NEGR1: variants seen among roughly 807,000 people sequenced by gnomAD.
NEGR1 encodes IgLON family member 4.
Under a neutral mutation model 40.9 loss-of-function variants are expected in NEGR1, and 10 were observed. The ratio of observed to expected loss-of-function variants is 0.24; its 90% confidence interval spans 0.15 to 0.42. NEGR1 has a LOEUF of 0.42. NEGR1 is among the 10% of genes least tolerant of loss of function. The pLI, the probability that NEGR1 is intolerant of heterozygous loss-of-function variation, is 1.00. For missense variants in NEGR1, 352 were observed against 438.9 expected, an observed-to-expected ratio of 0.80 and a Z score of 1.77; for synonymous variants, 185 against 166.8, an observed-to-expected ratio of 1.11 and a Z score of -0.84.
At chr1:72,150,498 A>C in intron 1 of NEGR1, among the ~76,000 whole-genome samples, 1 of 152,210 alleles carries the variant, frequency 6.6e-6, no homozygotes, top group Non-Finnish European at 1.5e-5. Flanking sequence ...AAACTAAATG[A>C]GTTTACCTGG....
intron 1 of NEGR1, among the ~76,000 whole-genome samples, chr1:72,091,898 CGTGTGTGT>C (rs150316693): frequency 6.6e-6 from 1 of 151,054 alleles, no homozygotes; most frequent in Admixed American, 6.6e-5. Flanking sequence ...CCTCACATAA[CGTGTGTGT>C]GTGTGTGTGT....
At chr1:71,664,438 G>A (rs1466463623) in intron 4 of NEGR1, among the ~76,000 whole-genome samples, 1 of 151,732 alleles carries the variant, frequency 6.6e-6, no homozygotes, top group African/African-American at 2.4e-5. Context: ...ACTTTTTCTT[G>A]TAAGATATTT....
chr1:72,030,899 A>G (rs1035419252), intron 1 of NEGR1, among the ~76,000 whole-genome samples: 1 of 152,200 alleles, frequency 6.6e-6, no homozygotes, highest in African/African-American at 2.4e-5. Context: ...AAAAAAAACA[A>G]CTGAAGGAAA....
chr1:71,796,790 A>G (rs1277166773), intron 2 of NEGR1, among the ~76,000 whole-genome samples: 1 of 152,194 alleles, frequency 6.6e-6, no homozygotes, highest in Admixed American at 6.6e-5. Flanking sequence ...ATCACAAAAG[A>G]AGTAAGTAAA....
At chr1:72,074,889 T>C (rs1647653907) in intron 1 of NEGR1, among the ~76,000 whole-genome samples, 2 of 152,138 alleles carry the variant, frequency 1.3e-5, no homozygotes, top group South Asian at 4.1e-4. Context: ...ACAAGTCTTT[T>C]TCCTCTCTTA....
chr1:72,088,287 G>C (rs1648304620), intron 1 of NEGR1, among the ~76,000 whole-genome samples: 1 of 152,094 alleles, frequency 6.6e-6, no homozygotes, highest in African/African-American at 2.4e-5. Context: ...CAAAGTGTCA[G>C]ACCTACTGAA....
intron 1 of NEGR1, among the ~76,000 whole-genome samples, chr1:72,037,549 C>T (rs1034782892): frequency 6.6e-6 from 1 of 152,110 alleles, no homozygotes; most frequent in African/African-American, 2.4e-5. Context: ...GGGAAGCACT[C>T]TGCCTTTCCA....
chr1:72,282,143 A>C (rs1417706474), intron 1 of NEGR1, among the ~76,000 whole-genome samples, 176 bp downstream of exon 1: 1 of 152,138 alleles, frequency 6.6e-6, no homozygotes, highest in Non-Finnish European at 1.5e-5. Flanking sequence ...TACCTGCCCC[A>C]GCATAAACGG....
intron 6 of NEGR1, among the ~76,000 whole-genome samples, chr1:71,489,166 T>G (rs1402435781): frequency 6.6e-6 from 1 of 151,782 alleles, no homozygotes; most frequent in Non-Finnish European, 1.5e-5. Flanking sequence ...AATATTCCCT[T>G]TCTCTGTCTC....
chr1:71,743,959 G>A (rs1376895370), intron 3 of NEGR1, among the ~76,000 whole-genome samples: 1 of 152,096 alleles, frequency 6.6e-6, no homozygotes, highest in Non-Finnish European at 1.5e-5. Flanking sequence ...TTGGAAATAT[G>A]ATCTGTCTTG....
At chr1:71,756,396 AAAAAC>A (rs1414442878) in intron 3 of NEGR1, among the ~76,000 whole-genome samples, 2 of 119,864 alleles carry the variant, frequency 1.7e-5, no homozygotes, top group Non-Finnish European at 3.4e-5. Context: ...CAAAAAAACA[AAAAAC>A]AAAAACAAAC....
intron 1 of NEGR1, among the ~76,000 whole-genome samples, chr1:72,004,041 T>C (rs1477066226): frequency 3.3e-5 from 5 of 152,070 alleles, no homozygotes; most frequent in Admixed American, 2.6e-4. Context: ...GTATGCCTCA[T>C]TAGTTGAGGA....
At chr1:71,970,691 GA>G (rs111854571) in intron 1 of NEGR1, among the ~76,000 whole-genome samples, 6 of 149,044 alleles carry the variant, frequency 4.0e-5, no homozygotes, top group Middle Eastern at 3.4e-3. Context: ...CTGTCTCAAA[GA>G]AAAAAAAAAT....
chr1:72,164,933 C>T (rs903002700), intron 1 of NEGR1, among the ~76,000 whole-genome samples: 3 of 152,036 alleles, frequency 2.0e-5, no homozygotes, highest in African/African-American at 7.2e-5. Context: ...TGTTTGCTTT[C>T]AAGTCTTACA....
In NEGR1 at chr1:71,819,233, T is replaced by C. The variant is rs150225834; in HGVS notation, c.410-42936A>G. On this transcript the variant is annotated intron_variant, in intron 2 of 6. Coordinates refer to ENST00000357731, the MANE Select transcript of NEGR1 (RefSeq NM_173808.3). ...TAGAACTAGTCAGCTTTTCTATTCT[T>C]GGAAAAGACCTAGTAATTAGATGAT... Among the ~76,000 whole-genome samples the C allele has an allele frequency of 1.2e-3, 188 of 152,094 alleles. 1 individual carries two copies. Among genetic ancestry groups the C allele is most frequent in the African/African-American group, 4.3e-3 (178 of 41,528 alleles).
At chr1:72,079,086 A>AATAT (rs67575298) in intron 1 of NEGR1, among the ~76,000 whole-genome samples, 2,352 of 142,332 alleles carry the variant, frequency 0.017, 64 homozygotes, top group African/African-American at 0.056. Flanking sequence ...CATTTAACAG[A>AATAT]ATATATATAT....
At chr1:71,457,788 G>A (rs995967430) in intron 6 of NEGR1, among the ~76,000 whole-genome samples, 3 of 151,832 alleles carry the variant, frequency 2.0e-5, no homozygotes, top group African/African-American at 7.3e-5. Context: ...TGCAAGCTCC[G>A]CCTCCTGGGT....
chr1:72,129,017 A>C (rs1650138563), intron 1 of NEGR1, among the ~76,000 whole-genome samples: 2 of 152,160 alleles, frequency 1.3e-5, no homozygotes, highest in Admixed American at 1.3e-4. Flanking sequence ...TGGACTTGAG[A>C]CAGAGTGGTT....
rs1420411643 is a variant in NEGR1, at chr1:71,932,272, ATT to A, written c.409+2805_409+2806del. Among the ~76,000 whole-genome samples, 11 of 151,798 alleles carry A rather than the reference ATT, an allele frequency of 7.2e-5. No individual in the cohort carries two copies. In the South Asian group the frequency reaches 1.9e-3, roughly 26 times the overall value. ...AATCAAAGCAAATAATTGACGTGGG[ATT>A]TTTGTTATTTTTTTATTTGTTTTGT... On this transcript the variant is annotated intron_variant, in intron 2 of 6. Transcript: ENST00000357731.
Sources: gnomAD v4.1 joint callset for allele counts (sites outside exome capture counted in the v4.1 genomes callset) on GRCh38, gnomAD v4.1.1 for gene constraint, MANE v1.5 for transcripts, NCBI Gene and HGNC (gene_info 2026-07-23, HGNC 2026-07-21) for gene names.